Variants in MSH3 observed in about 807,000 individuals in gnomAD.
MSH3 encodes mutS homolog 3.
Under a neutral mutation model 123.3 loss-of-function variants are expected in MSH3, and 106 were observed. The observed-to-expected ratio is 0.86, with a 90% confidence interval of 0.73 to 1.01. The LOEUF is 1.01. Ranked by LOEUF, MSH3 falls within the 50% of genes least tolerant of loss-of-function variation. The probability of loss-of-function intolerance (pLI) is 0.00; values close to 1 mark genes in which losing one functional copy is unlikely to be tolerated. For synonymous variants in MSH3, 515 were observed against 481.4 expected (o/e 1.07, Z -0.91); for missense variants, 1,459 against 1,347.6 (o/e 1.08, Z -1.29).
chr5:80,766,546 T>C (rs1744127934), intron 13 of MSH3, among the ~76,000 whole-genome samples: 1 of 152,026 alleles, frequency 6.6e-6, no homozygotes, highest in African/African-American at 2.4e-5. Context: ...GGTTTCACCA[T>C]GTTGGTAGGG....
At chr5:80,692,588 A>G (rs1382762447) in intron 8 of MSH3, among the ~76,000 whole-genome samples, 2 of 144,884 alleles carry the variant, frequency 1.4e-5, no homozygotes, top group Non-Finnish European at 3.0e-5. Flanking sequence ...AGAGAGATAA[A>G]CATGTATATG....
At chr5:80,750,697 G>T (rs898403060) in intron 12 of MSH3, among the ~76,000 whole-genome samples, 2 of 152,104 alleles carry the variant, frequency 1.3e-5, no homozygotes, top group Non-Finnish European at 2.9e-5. Flanking sequence ...TCTGTTCATT[G>T]TTTCCTTTGC....
At chr5:80,804,497 C>T (rs62366954) in intron 19 of MSH3, among the ~76,000 whole-genome samples, 9,805 of 152,316 alleles carry the variant, frequency 0.064, 433 homozygotes, top group Non-Finnish European at 0.095. Context: ...AGGGGGCACC[C>T]CAAGTCCAGT....
chr5:80,672,915 GT>G lies in MSH3; in HGVS notation c.1027+61del. 3 of 1,351,532 alleles carry G rather than the reference GT, an allele frequency of 2.2e-6. No homozygotes were observed. The South Asian group carries it at 3.5e-5, about 16-fold the overall frequency. 83.7% of individuals were successfully genotyped at this position (1,351,532 alleles called of 1,614,324 possible). ...AATGATACAAGGGCTTTGTTGGCAG[GT>G]TTTGTTTGTTTGTTTGTTTGTTTTT... On this transcript the variant is annotated intron_variant, in intron 6 of 23. Coordinates refer to ENST00000265081, the MANE Select transcript of MSH3 (RefSeq NM_002439.5).
chr5:80,812,748 G>C (rs940754348), intron 19 of MSH3, among the ~76,000 whole-genome samples: 1 of 151,908 alleles, frequency 6.6e-6, no homozygotes, highest in Non-Finnish European at 1.5e-5. Context: ...TTGTATAGTT[G>C]GGGTTTTGCC....
Position 80,787,641 on chromosome 5 carries a change from G to A in MSH3, c.2512G>A (p.Ala838Thr), listed in dbSNP as rs1744532828. Residue 838 changes from alanine to threonine, a missense_variant, in exon 18 of 24, where the codon GCC (alanine) becomes ACC (threonine). Physicochemically the swap from Ala to Thr is moderately conservative, Grantham distance 58 (BLOSUM62 0). Coordinates refer to ENST00000265081, the MANE Select transcript of MSH3 (RefSeq NM_002439.5). ...AACTGTTGACTGCATTTTCTCCCTGGCCAAGGTCGCTAAGCAAGGAGATTA... is the reference window on the plus strand; with the variant it reads ...AACTGTTGACTGCATTTTCTCCCTGACCAAGGTCGCTAAGCAAGGAGATTA... ...LATVDCIFSL[A>T]KVAKQGDYCR... is the part of the protein sequence containing the mutation. The A allele has an allele frequency of 2.5e-6, 4 of 1,613,734 alleles. No individual in the cohort carries two copies. The highest frequency in any genetic ancestry group is 3.4e-6 in the Non-Finnish European group (4 of 1,179,734).
rs2112819215 is a variant in MSH3 at position 80,679,082 on chromosome 5, C to T, written c.1329C>T (p.Ala443=). The T allele has an allele frequency of 6.2e-7, 1 of 1,614,012 alleles. No homozygotes were observed. The highest frequency in any genetic ancestry group is 8.5e-7 in the Non-Finnish European group (1 of 1,179,986). ...AAACAGAGGCGCTCATCCACAGAGC[C>T]ACATCTGTTAGGTAAGTTGGCACAT... is the stretch of plus-strand genomic sequence containing the variant. ...SEQTEALIHR[A]TSVSVQDDRI... The change falls in exon 8 of 24, where the codon GCC becomes GCT. Residue 443 remains alanine, a synonymous_variant. Transcript: ENST00000265081.
chr5:80,843,270 G>T (rs879923318), intron 20 of MSH3, among the ~76,000 whole-genome samples: 7 of 152,182 alleles, frequency 4.6e-5, no homozygotes, highest in Non-Finnish European at 1.0e-4. Context: ...GATCGTGGTG[G>T]ATAAGCTTTT....
intron 8 of MSH3, among the ~76,000 whole-genome samples, chr5:80,692,831 G>T (rs1315107150): frequency 8.3e-6 from 1 of 120,964 alleles, no homozygotes; most frequent in Non-Finnish European, 1.8e-5. Flanking sequence ...ACATACACAT[G>T]TATATGTTTA....
chr5:80,852,623 C>T (rs1421472505), intron 20 of MSH3, among the ~76,000 whole-genome samples: 1 of 152,056 alleles, frequency 6.6e-6, no homozygotes, highest in Non-Finnish European at 1.5e-5. Flanking sequence ...AGGTAAATAC[C>T]AGTATTCGAA....
chr5:80,845,517 C>A (rs181597438), intron 20 of MSH3, among the ~76,000 whole-genome samples: 1 of 152,314 alleles, frequency 6.6e-6, no homozygotes, highest in East Asian at 1.9e-4. Context: ...GTTCCATTCT[C>A]CCCGTCACTT....
At chr5:80,719,192 C>T (rs531838048) in intron 8 of MSH3, among the ~76,000 whole-genome samples, 2 of 152,032 alleles carry the variant, frequency 1.3e-5, no homozygotes, top group African/African-American at 4.8e-5. Context: ...GGACTACAGG[C>T]GCGTGCCACC....
intron 4 of MSH3, among the ~76,000 whole-genome samples, chr5:80,671,483 C>T (rs955710623): frequency 6.6e-6 from 1 of 152,176 alleles, no homozygotes. Context: ...GATAATGTCA[C>T]CATGTTTTCT....
At chr5:80,769,128 G>T in intron 15 of MSH3, 125 bp downstream of exon 15, 1 of 832,612 alleles carries the variant, frequency 1.2e-6, no homozygotes, top group Non-Finnish European at 1.9e-6. Flanking sequence ...TTTATTCCTT[G>T]GAAATATGTT....
At chr5:80,693,616 C>A (rs1750395562) in intron 8 of MSH3, among the ~76,000 whole-genome samples, 3 of 100,398 alleles carry the variant, frequency 3.0e-5, no homozygotes, top group African/African-American at 1.3e-4. Flanking sequence ...TATATACACA[C>A]ACACATATAC....
intron 8 of MSH3, among the ~76,000 whole-genome samples, chr5:80,723,538 A>G (rs1751132264): frequency 6.6e-6 from 1 of 152,182 alleles, no homozygotes; most frequent in African/African-American, 2.4e-5. Flanking sequence ...TAGAAAATAT[A>G]AGAAATAATA....
chr5:80,671,563 A>C (rs1749724913), intron 4 of MSH3, among the ~76,000 whole-genome samples: 1 of 152,178 alleles, frequency 6.6e-6, no homozygotes, highest in Non-Finnish European at 1.5e-5. Context: ...TTAAACGGTA[A>C]ATTCAGACCT....
At chr5:80,752,870 A>G (rs969414764) in intron 12 of MSH3, among the ~76,000 whole-genome samples, 1 of 152,176 alleles carries the variant, frequency 6.6e-6, no homozygotes, top group Non-Finnish European at 1.5e-5. Context: ...CAGAAAAGCA[A>G]TGTTATAAAA....
At chr5:80,706,446 AG>A (rs1750725713) in intron 8 of MSH3, among the ~76,000 whole-genome samples, 1 of 152,236 alleles carries the variant, frequency 6.6e-6, no homozygotes, top group South Asian at 2.1e-4. Context: ...TAGAGTTCTT[AG>A]AAGAGTATGG....
Sources: allele counts gnomAD v4.1 joint callset (sites outside exome capture counted in the v4.1 genomes callset), GRCh38; gene constraint gnomAD v4.1.1; transcripts MANE v1.5; gene names NCBI Gene and HGNC (gene_info 2026-07-23, HGNC 2026-07-21).